Variants in MBD5 observed in about 807,000 individuals in gnomAD.
MBD5 encodes methyl-CpG binding domain protein 5.
MBD5 carries 13 observed loss-of-function variants against 117.3 expected under a neutral mutation model. That is an observed-to-expected ratio of 0.11 (90% confidence interval 0.07 to 0.18). MBD5 has a LOEUF of 0.18. MBD5 is among the 10% of genes least tolerant of loss of function. The pLI, the probability that MBD5 is intolerant of heterozygous loss-of-function variation, is 1.00. For synonymous variants in MBD5, 727 were observed against 766.4 expected (o/e 0.95, Z 0.85); for missense variants, 1,879 against 2,093.8 (o/e 0.90, Z 2.00).
At chr2:148,025,806 T>G (rs2105548727) in intron 1 of MBD5, 2 of 152,258 alleles carry the variant, frequency 1.3e-5, no homozygotes, top group East Asian at 3.9e-4. Context: ...CATTGCAAAA[T>G]CCTCATAAGA....
chr2:148,469,527 A>T lies in MBD5; in HGVS notation c.1584A>T (p.Gly528=). 2 of 1,613,800 alleles carry T rather than the reference A, an allele frequency of 1.2e-6. No individual in the cohort carries two copies. Among genetic ancestry groups the T allele is most frequent in the Non-Finnish European group, 1.7e-6 (2 of 1,179,938 alleles). ...ATATCCCTAACCCATTAATTGCTGGAATAAGTAATGTACTAAATACCCCAA... is the reference window on the plus strand; with the variant it reads ...ATATCCCTAACCCATTAATTGCTGGTATAAGTAATGTACTAAATACCCCAA... ...YKDIPNPLIA[G]ISNVLNTPSS... is the part of the protein sequence containing the mutation. The change falls in exon 8 of 14, where the codon GGA becomes GGT. Residue 528 remains glycine (G), a synonymous_variant. Transcript: ENST00000642680.
In MBD5 at chr2:148,516,450, A is replaced by T. The variant is rs535385713; in HGVS notation, c.*3509A>T. 4 of 152,352 alleles carry T rather than the reference A, an allele frequency of 2.6e-5. No homozygotes were observed. Among genetic ancestry groups the T allele is most frequent in the African/African-American group, 9.6e-5 (4 of 41,586 alleles). The allele number at this position is 152,352 out of a possible 1,614,324, so 9.4% of individuals were successfully genotyped here. A position where few individuals can be genotyped will look rare whatever the true frequency, so the allele number is the denominator to read the frequency against. On this transcript the variant is annotated 3_prime_UTR_variant, in exon 14 of 14. Coordinates refer to ENST00000642680, the MANE Select transcript of MBD5 (RefSeq NM_001378120.1). Reference sequence around the variant, plus strand: ...ACTTTTCAATGTAGTATATCAAATGAGTTGTGCATTGATTCATTTGGGGGA... The same window carrying T: ...ACTTTTCAATGTAGTATATCAAATGTGTTGTGCATTGATTCATTTGGGGGA...
At chr2:148,326,133 T>C (rs1399109209) in intron 3 of MBD5, among the ~76,000 whole-genome samples, 1 of 152,236 alleles carries the variant, frequency 6.6e-6, no homozygotes, top group Non-Finnish European at 1.5e-5. Flanking sequence ...AGTTTCCTTG[T>C]AGGTGAGTGG....
chr2:148,074,203 T>G (rs1695430440), intron 1 of MBD5, among the ~76,000 whole-genome samples: 1 of 152,202 alleles, frequency 6.6e-6, no homozygotes, highest in Non-Finnish European at 1.5e-5. Flanking sequence ...ATTATACTGC[T>G]TAGTCTGCTT....
intron 3 of MBD5, among the ~76,000 whole-genome samples, chr2:148,265,787 TCAA>T (rs915940733): frequency 2.6e-5 from 4 of 152,166 alleles, no homozygotes; most frequent in African/African-American, 9.7e-5. Flanking sequence ...TTTTATTTGT[TCAA>T]CGAGTATTTT....
chr2:148,046,616 G>C (rs147426323), intron 1 of MBD5, among the ~76,000 whole-genome samples: 260 of 152,080 alleles, frequency 1.7e-3, no homozygotes, highest in African/African-American at 5.9e-3. Context: ...TCACCAAATC[G>C]TATAGAATTG....
intron 3 of MBD5, chr2:148,265,097 G>A (rs1038027240): frequency 5.9e-5 from 8 of 135,468 alleles, no homozygotes; most frequent in African/African-American, 1.9e-4. Flanking sequence ...ACACATATTC[G>A]ATGATTGCTT....
chr2:148,506,696 G>A (rs1297009735), intron 12 of MBD5, among the ~76,000 whole-genome samples: 1 of 152,214 alleles, frequency 6.6e-6, no homozygotes, highest in African/African-American at 2.4e-5. Context: ...CAATGAAGTT[G>A]AGAAGTGGCA....
rs537511164 is a variant in MBD5 at position 148,394,581 on chromosome 2, A to G, written c.-557+52245A>G. On this transcript the variant is annotated intron_variant, in intron 4 of 13. Transcript: ENST00000642680. The stretch of plus-strand genomic sequence containing the variant: ...TTTTTCATTTTTTTGTTCATTCCAT[A>G]CCTTATTTGAACATTCTGTCTTTTG... Among the ~76,000 whole-genome samples, 15 of 129,102 alleles carry G rather than the reference A, an allele frequency of 1.2e-4. No homozygotes were observed. In the East Asian group the frequency reaches 3.1e-3, roughly 27 times the overall value. The allele number at this position is 129,102 out of a possible 152,430, so 84.7% of individuals were successfully genotyped here.
chr2:148,345,863 A>T (rs1308913539), intron 4 of MBD5, among the ~76,000 whole-genome samples: 2 of 151,922 alleles, frequency 1.3e-5, no homozygotes, highest in Non-Finnish European at 2.9e-5. Context: ...CATCCAGCAC[A>T]GGAGAAAGAT....
rs191870006 is a variant in MBD5, at chr2:148,074,036, T to A, written c.-925+52352T>A. On this transcript the variant is annotated intron_variant, in intron 1 of 13. Transcript: ENST00000642680. ...TTAAGATTTTTTTTATCAGTGAATA[T>A]TTAGAATTTTTCTAATATAAAGATA... is the stretch of plus-strand genomic sequence containing the variant. 7.1e-3 allele frequency among the ~76,000 whole-genome samples: 1,084 copies of A among 152,248 alleles called. 6 individuals are homozygous for A. The highest frequency in any genetic ancestry group is 0.011 in the Admixed American group (173 of 15,300).
chr2:148,463,796 G>A lies in MBD5; in HGVS notation c.274G>A (p.Ala92Thr), dbSNP rs770801894. The A allele has an allele frequency of 6.9e-5, 111 of 1,613,776 alleles. No homozygotes were observed. The highest frequency in any genetic ancestry group is 6.6e-4 in the Middle Eastern group (4 of 6,054). ...VKQRTAEDVK[A>T]DEDVTKLCIH... is the part of the protein sequence containing the mutation. ...ACAGAGAACCGCAGAAGATGTTAAG[G>A]CAGATGAAGATGTCACAAAGCTATG... Residue 92 changes from alanine (A) to threonine (T), a missense_variant, in exon 7 of 14, where the codon GCA becomes ACA. Physicochemically the swap from Ala to Thr is moderately conservative, Grantham distance 58. Coordinates refer to ENST00000642680, the MANE Select transcript of MBD5 (RefSeq NM_001378120.1).
chr2:148,494,677 C>T (rs1681640642), intron 11 of MBD5, among the ~76,000 whole-genome samples: 1 of 152,152 alleles, frequency 6.6e-6, no homozygotes. Flanking sequence ...AAAGTACATT[C>T]TGGGCCGGGC....
At chr2:148,263,010 A>G (rs1700768469) in intron 3 of MBD5, among the ~76,000 whole-genome samples, 1 of 152,322 alleles carries the variant, frequency 6.6e-6, no homozygotes, top group East Asian at 1.9e-4. Flanking sequence ...ACTGAGTGTG[A>G]TTCAAAGGAG....
At chr2:148,191,605 G>C (rs981315582) in intron 2 of MBD5, among the ~76,000 whole-genome samples, 1 of 79,848 alleles carries the variant, frequency 1.3e-5, no homozygotes, top group African/African-American at 5.3e-5. Flanking sequence ...CGCATTGAAA[G>C]CAGTGTGTAG....
intron 1 of MBD5, chr2:148,027,625 G>A (rs1558892685): frequency 6.6e-6 from 1 of 152,028 alleles, no homozygotes; most frequent in African/African-American, 2.4e-5. Context: ...TTTGAGGTTA[G>A]GGATGTTCAA....
chr2:148,227,192 C>G (rs1254349490), intron 2 of MBD5, among the ~76,000 whole-genome samples: 1 of 152,152 alleles, frequency 6.6e-6, no homozygotes. Context: ...CTTGCCCATG[C>G]CTATGTCCTG....
At chr2:148,499,782 TTTG>T (rs1216490720) in intron 11 of MBD5, among the ~76,000 whole-genome samples, 4 of 152,180 alleles carry the variant, frequency 2.6e-5, no homozygotes, top group Non-Finnish European at 5.9e-5. Flanking sequence ...TTGAATTTAT[TTTG>T]TTGTTCTCTG....
intron 1 of MBD5, chr2:148,071,270 CTGTATATGTGTGTGTGTGTGTGTGTG>C (rs1158822910): frequency 8.0e-6 from 1 of 124,984 alleles, no homozygotes; most frequent in African/African-American, 2.9e-5. Context: ...TTAGATATAT[CTGTATATGTGTGTGTGTGTGTGTGTG>C]TGTGTGTGTG....
Sources: gnomAD v4.1 joint callset for allele counts (sites outside exome capture counted in the v4.1 genomes callset) on GRCh38, gnomAD v4.1.1 for gene constraint, MANE v1.5 for transcripts, NCBI Gene and HGNC (gene_info 2026-07-23, HGNC 2026-07-21) for gene names.